The following KDM5A variants were observed in gnomAD, a reference collection of about 807,000 sequenced individuals.
KDM5A encodes lysine demethylase 5A, also known as lysine-specific demethylase 5A.
Under a neutral mutation model 193.5 loss-of-function variants are expected in KDM5A, and 42 were observed. The observed-to-expected ratio is 0.22, with a 90% CI of 0.17 to 0.28. The LOEUF (loss-of-function observed/expected upper bound fraction) is 0.28, where lower values mean the gene tolerates loss of function less well. Ranked by LOEUF, KDM5A falls within the 10% of genes least tolerant of loss-of-function variation. The pLI is 1.00. For synonymous variants in KDM5A, 796 were observed against 718.1 expected, an observed-to-expected ratio of 1.11 and a Z score of -1.73; for missense variants, 1,692 against 2,055.1, an observed-to-expected ratio of 0.82 and a Z score of 3.42.
Position 328,875 on chromosome 12 carries a change from G to T in KDM5A, c.1928C>A (p.Thr643Asn). ...CTCTCTTAATCGTGTTTCTTCTTCA[G>T]TCATGAGAGTCAATTCTTTGCAGAC... ...AMVCKELTLMTEEETRLRESV... is the reference protein window; with the variant it reads ...AMVCKELTLMNEEETRLRESV... The change falls in exon 14 of 28, where the codon ACT becomes AAT. Residue 643 changes from threonine (T) to asparagine (N), a missense_variant. Thr to Asn is a moderately conservative substitution (Grantham distance 65). Around this residue, in one of 11 missense-constraint regions of KDM5A, gnomAD observed 88 missense variants for 124.6 expected, o/e 0.71. Coordinates refer to ENST00000399788, the MANE Select transcript of KDM5A (RefSeq NM_001042603.3). The T allele has an allele frequency of 6.2e-7, 1 of 1,614,132 alleles. No individual in the cohort carries two copies. The highest frequency in any genetic ancestry group is 8.5e-7 in the Non-Finnish European group (1 of 1,180,022).
chr12:310,406 G>A (rs564179981), intron 21 of KDM5A, among the ~76,000 whole-genome samples: 3 of 152,256 alleles, frequency 2.0e-5, no homozygotes, highest in East Asian at 1.9e-4. Context: ...TGAGGCGGGC[G>A]CATCACTTGA....
rs1944310228 is a variant in KDM5A at position 362,958 on chromosome 12, G to T, written c.672+5C>A. On this transcript the variant is annotated splice_donor_5th_base_variant and intron_variant, in intron 5 of 27. Coordinates refer to ENST00000399788, the MANE Select transcript of KDM5A (RefSeq NM_001042603.3). The stretch of plus-strand genomic sequence containing the variant: ...AAAATTTAAAAAAGCCCAAGACATT[G>T]ATACCTGAGTCTTCACACGTCTTGT... 1 of 1,613,784 alleles carries T rather than the reference G, an allele frequency of 6.2e-7. No homozygotes were observed. The highest frequency in any genetic ancestry group is 8.5e-7 in the Non-Finnish European group (1 of 1,179,798).
intron 8 of KDM5A, 52 bp downstream of exon 8, chr12:354,024 C>T (rs986496731): frequency 6.0e-6 from 8 of 1,322,982 alleles, no homozygotes; most frequent in African/African-American, 2.9e-5. Context: ...GGTGTATATG[C>T]ATGTATTATT....
chr12:359,639 G>A (rs1349974920), intron 5 of KDM5A, among the ~76,000 whole-genome samples: 2 of 151,798 alleles, frequency 1.3e-5, no homozygotes, highest in African/African-American at 4.8e-5. Context: ...CTACCTGGGA[G>A]GCTGAGGTGG....
chr12:299,617 A>T (rs1423434389), intron 24 of KDM5A, among the ~76,000 whole-genome samples: 1 of 152,200 alleles, frequency 6.6e-6, no homozygotes, highest in Non-Finnish European at 1.5e-5. Flanking sequence ...AAGACCATCG[A>T]CGCTATGAAG....
rs1376304871 is a variant in KDM5A at position 389,065 on chromosome 12, G to A, written c.27C>T (p.Tyr9=). MAGVGPGG[Y]AAEFVPPPEC... Reference sequence around the variant, plus strand: ...CTGGCGGTGGCACGAACTCCGCCGCGTAGCCCCCCGGCCCCACGCCCGCCA... The same window carrying A: ...CTGGCGGTGGCACGAACTCCGCCGCATAGCCCCCCGGCCCCACGCCCGCCA... The change falls in exon 1 of 28, where the codon TAC becomes TAT. Residue 9 remains tyrosine (Y), a synonymous_variant. Coordinates refer to ENST00000399788, the MANE Select transcript of KDM5A (RefSeq NM_001042603.3). 1.9e-6 allele frequency: 3 copies of A among 1,600,438 alleles called. No homozygotes were observed. Among genetic ancestry groups the A allele is most frequent in the African/African-American group, 2.7e-5 (2 of 74,196 alleles).
intron 24 of KDM5A, among the ~76,000 whole-genome samples, chr12:297,447 T>C (rs1350652972): frequency 6.6e-6 from 1 of 152,230 alleles, no homozygotes; most frequent in Non-Finnish European, 1.5e-5. Context: ...TTCTGATGAA[T>C]GTGTAAGTTA....
chr12:334,389 T>C lies in KDM5A; in HGVS notation c.1342A>G (p.Met448Val). 6.2e-7 allele frequency: 1 copy of C among 1,614,004 alleles called. No homozygotes were observed. The highest frequency in any genetic ancestry group is 8.5e-7 in the Non-Finnish European group (1 of 1,179,902). Residue 448 changes from methionine to valine, a missense_variant, in exon 11 of 28, where the codon ATG (methionine) becomes GTG (valine). Physicochemically the swap from Met to Val is conservative, Grantham distance 21 (BLOSUM62 1). This residue lies in a region of KDM5A where 172 missense variants were observed against 260.3 expected (regional missense o/e 0.66). Transcript: ENST00000399788. ...AGAACAGACTGTTCCAGGACAGGCA[T>C]GTTATTCAAATTCCAACCAGAAAGT... ...YALSGWNLNN[M>V]PVLEQSVLAH...
Position 333,488 on chromosome 12 carries a change from G to C in KDM5A, c.1652C>G (p.Pro551Arg). The part of the protein sequence containing the change: ...NPNVLMEHGV[P>R]VYRTNQCAGE... ...GAAGGAAGACACCAAAAGACTCACAGGCACACCATGCTCCATTAGCACGTT... is the reference window on the plus strand; with the variant it reads ...GAAGGAAGACACCAAAAGACTCACACGCACACCATGCTCCATTAGCACGTT... Residue 551 changes from proline (P) to arginine (R), a missense_variant and splice_region_variant, in exon 12 of 28, where the codon CCT (proline) becomes CGT (arginine). Physicochemically the swap from Pro to Arg is moderately radical, Grantham distance 103 (BLOSUM62 -2). This residue lies in a region of KDM5A where 172 missense variants were observed against 260.3 expected (regional missense o/e 0.66). Transcript: ENST00000399788. 6.2e-7 allele frequency: 1 copy of C among 1,613,974 alleles called. No individual in the cohort carries two copies. The highest frequency in any genetic ancestry group is 8.5e-7 in the Non-Finnish European group (1 of 1,179,954).
intron 10 of KDM5A, among the ~76,000 whole-genome samples, chr12:341,803 G>A (rs538458016): frequency 6.6e-6 from 1 of 151,926 alleles, no homozygotes; most frequent in African/African-American, 2.4e-5. Flanking sequence ...AGGAGACTGG[G>A]GTAGGAGAAC....
At chr12:355,314 A>G in intron 6 of KDM5A, 65 bp from the exon 7 acceptor site, 2 of 871,732 alleles carry the variant, frequency 2.3e-6, no homozygotes, top group Non-Finnish European at 4.0e-6. Flanking sequence ...TGGACCAGAC[A>G]CTATTTAAAA....
In KDM5A at chr12:389,319, T is replaced by C. The variant is rs901950589; in HGVS notation, c.-228A>G. On this transcript the variant is annotated 5_prime_UTR_variant, in exon 1 of 28. Coordinates refer to ENST00000399788, the MANE Select transcript of KDM5A (RefSeq NM_001042603.3). The stretch of plus-strand genomic sequence containing the variant: ...GACTTTTCCGGAAGTTACCGTGCTG[T>C]CAAATCCCTCCGCCCCCTGCAGGAA... 4.5e-6 allele frequency: 3 copies of C among 667,440 alleles called. No homozygotes were observed. The African/African-American group carries it at 5.3e-5, about 12-fold the overall frequency. 41.3% of individuals were successfully genotyped at this position (667,440 alleles called of 1,614,324 possible). A position where few individuals can be genotyped will look rare whatever the true frequency, so the allele number is the denominator to read the frequency against.
Position 284,198 on chromosome 12 carries a change from T to C in KDM5A, c.*1258A>G, listed in dbSNP as rs1453773201. The stretch of plus-strand genomic sequence containing the variant: ...GATTTTTGATGTTGAAACTCTGTCA[T>C]ATGCTGCTGGTAACAGTAAATATAT... On this transcript the variant is annotated 3_prime_UTR_variant, in exon 28 of 28. Transcript: ENST00000399788. The C allele has an allele frequency of 4.4e-6, 1 of 227,534 alleles. No homozygotes were observed. The highest frequency in any genetic ancestry group is 8.7e-6 in the Non-Finnish European group (1 of 114,642). The allele number at this position is 227,534 out of a possible 1,614,324, so 14.1% of individuals were successfully genotyped here.
chr12:292,823 T>C lies in KDM5A; in HGVS notation c.4802A>G (p.Glu1601Gly). ...CACAGCATTCTCATCATCAGACTCC[T>C]CTGCTCCTGACCAGTCATACTTTGA... ...IPSKYDWSGA[E>G]ESDDENAVCA... Residue 1601 changes from glutamate to glycine, a missense_variant, in exon 27 of 28, where the codon GAG becomes GGG. By Grantham distance (98) the Glu-to-Gly change is moderately conservative. Coordinates refer to ENST00000399788, the MANE Select transcript of KDM5A (RefSeq NM_001042603.3). The C allele has an allele frequency of 6.2e-7, 1 of 1,614,262 alleles. No individual in the cohort carries two copies. Among genetic ancestry groups the C allele is most frequent in the Non-Finnish European group, 8.5e-7 (1 of 1,180,038 alleles).
intron 9 of KDM5A, among the ~76,000 whole-genome samples, 185 bp from the exon 10 acceptor site, chr12:350,964 G>A (rs148526674): frequency 3.9e-5 from 6 of 152,086 alleles, no homozygotes; most frequent in African/African-American, 7.2e-5. Flanking sequence ...GAGACAACTC[G>A]GACGTTCAGA....
At chr12:295,522 C>T (rs1394429442) in intron 26 of KDM5A, 51 bp downstream of exon 26, 1 of 1,529,616 alleles carries the variant, frequency 6.5e-7, no homozygotes, top group Non-Finnish European at 9.1e-7. Context: ...CTCTAAGGAA[C>T]CTAGGCATTC....
chr12:352,838 A>G (rs905350368), intron 8 of KDM5A, among the ~76,000 whole-genome samples: 2 of 152,206 alleles, frequency 1.3e-5, no homozygotes, highest in Admixed American at 1.3e-4. Context: ...GAATCTTTCA[A>G]CCTGGAGAAT....
chr12:365,887 G>C, intron 4 of KDM5A, 47 bp downstream of exon 4: 1 of 1,591,060 alleles, frequency 6.3e-7, no homozygotes, highest in African/African-American at 1.3e-5. Flanking sequence ...TTGTACTTGG[G>C]CAAACTGGAT....
chr12:347,302 G>A (rs1944090642), intron 10 of KDM5A, among the ~76,000 whole-genome samples: 1 of 152,136 alleles, frequency 6.6e-6, no homozygotes, highest in Non-Finnish European at 1.5e-5. Flanking sequence ...CTCATGGATA[G>A]GAAGAATCAA....
Sources: allele counts gnomAD v4.1 joint callset (sites outside exome capture counted in the v4.1 genomes callset), GRCh38; gene constraint gnomAD v4.1.1; regional missense constraint gnomAD v4.1.1; transcripts MANE v1.5; gene names NCBI Gene and HGNC (gene_info 2026-07-23, HGNC 2026-07-21).